The following RORA variants were observed in gnomAD, a reference collection of about 807,000 sequenced individuals.
The protein encoded by RORA is RAR related orphan receptor A.
A neutral mutation model predicts 69.5 loss-of-function variants in RORA; 7 were observed. The ratio of observed to expected loss-of-function variants is 0.10; its 90% CI spans 0.06 to 0.19. The LOEUF (loss-of-function observed/expected upper bound fraction) is 0.19. RORA is among the 10% of genes least tolerant of loss of function. RORA has a pLI of 1.00. For synonymous variants in RORA, 261 were observed against 240.8 expected (o/e 1.08, Z -0.78); for missense variants, 457 against 663.0 (o/e 0.69, Z 3.41).
chr15:60,762,110 G>T (rs1345302898), intron 1 of RORA, among the ~76,000 whole-genome samples: 1 of 152,158 alleles, frequency 6.6e-6, no homozygotes, highest in African/African-American at 2.4e-5. Context: ...GTTTCTAGCA[G>T]AAAAAGAAGC....
chr15:60,924,546 T>G (rs1451276693), intron 1 of RORA, among the ~76,000 whole-genome samples: 1 of 152,040 alleles, frequency 6.6e-6, no homozygotes, highest in East Asian at 1.9e-4. Context: ...TGTAATTCTA[T>G]TGTATCTGTA....
chr15:60,701,599 A>G (rs1296208890), intron 1 of RORA, among the ~76,000 whole-genome samples: 1 of 152,154 alleles, frequency 6.6e-6, no homozygotes, highest in Non-Finnish European at 1.5e-5. Flanking sequence ...TCCATCACCT[A>G]CCACATGCAG....
chr15:60,550,146 C>A (rs1013414090), intron 2 of RORA, among the ~76,000 whole-genome samples: 2 of 152,158 alleles, frequency 1.3e-5, no homozygotes, highest in African/African-American at 2.4e-5. Context: ...CAAAAATTAG[C>A]CAGGTGTGAT....
intron 3 of RORA, among the ~76,000 whole-genome samples, chr15:60,522,132 CTG>C (rs1391559457): frequency 6.6e-6 from 1 of 152,170 alleles, no homozygotes; most frequent in African/African-American, 2.4e-5. Flanking sequence ...GTTATTAAAT[CTG>C]TTATTACACA....
chr15:60,512,360 A>G (rs1173200327), intron 4 of RORA, among the ~76,000 whole-genome samples: 1 of 152,156 alleles, frequency 6.6e-6, no homozygotes, highest in Non-Finnish European at 1.5e-5. Context: ...AACATGGCTC[A>G]CTGCAGCCTC....
chr15:61,055,490 G>A (rs570731100), intron 1 of RORA, among the ~76,000 whole-genome samples: 13 of 152,200 alleles, frequency 8.5e-5, no homozygotes, highest in South Asian at 2.1e-4. Flanking sequence ...CTTCTCTACC[G>A]TCTCTCCCGC....
chr15:60,510,873 A>ATTT (rs113383793), intron 5 of RORA, among the ~76,000 whole-genome samples: 6,316 of 147,956 alleles, frequency 0.043, 455 homozygotes, highest in African/African-American at 0.15. Context: ...GTGGACTGCC[A>ATTT]TTTTTTTTTT....
At chr15:61,165,308 C>T (rs1294192706) in intron 1 of RORA, among the ~76,000 whole-genome samples, 3 of 152,178 alleles carry the variant, frequency 2.0e-5, no homozygotes, top group Admixed American at 6.5e-5. Flanking sequence ...TTACTTCTTG[C>T]AGGAATCATA....
At chr15:61,115,019 G>C (rs2079037883) in intron 1 of RORA, among the ~76,000 whole-genome samples, 1 of 152,202 alleles carries the variant, frequency 6.6e-6, no homozygotes, top group Non-Finnish European at 1.5e-5. Flanking sequence ...ACATTTATGT[G>C]AAAGATAGAG....
Position 61,216,445 on chromosome 15 carries a change from T to C in RORA, c.166+12608A>G, listed in dbSNP as rs2080041094. ...GCAGTGGGTCACCATAGTGGAGCAT[T>C]AATGTACAGCAAGTTGAATGGAACC... On this transcript the variant is annotated intron_variant, in intron 1 of 10. Coordinates refer to ENST00000335670, the MANE Select transcript of RORA (RefSeq NM_134261.3). Among the ~76,000 whole-genome samples, 3 of 152,200 alleles carry C rather than the reference T, an allele frequency of 2.0e-5. No homozygotes were observed. The South Asian group carries it at 6.2e-4, about 32-fold the overall frequency.
In RORA at chr15:61,131,091, G is replaced by A. The variant is rs942262506; in HGVS notation, c.166+97962C>T. On this transcript the variant is annotated intron_variant, in intron 1 of 10. Coordinates refer to ENST00000335670, the MANE Select transcript of RORA (RefSeq NM_134261.3). This position sits in a 1 kb window ranked among gnomAD's most constrained non-coding sequence, Gnocchi z 4.2. ...TCAGCCCTCTGTAATATCCAGTGAG[G>A]CAAAACCCAAGTCACTCAAGAGTGG... Among the ~76,000 whole-genome samples, 1 of 152,146 alleles carries A rather than the reference G, an allele frequency of 6.6e-6. No individual in the cohort carries two copies. The highest frequency in any genetic ancestry group is 2.4e-5 in the African/African-American group (1 of 41,426).
intron 1 of RORA, among the ~76,000 whole-genome samples, chr15:60,823,902 C>T (rs537897045): frequency 6.6e-6 from 1 of 152,156 alleles, no homozygotes; most frequent in South Asian, 2.1e-4. Context: ...TTATTAAATA[C>T]ATCTTGGGGG....
At chr15:61,092,972 T>C (rs2078730251) in intron 1 of RORA, among the ~76,000 whole-genome samples, 1 of 152,130 alleles carries the variant, frequency 6.6e-6, no homozygotes, top group African/African-American at 2.4e-5. Context: ...AAATAAAGTA[T>C]GACATTGCAC....
At chr15:60,960,291 C>T (rs1160545522) in intron 1 of RORA, among the ~76,000 whole-genome samples, 2 of 152,206 alleles carry the variant, frequency 1.3e-5, no homozygotes, top group Non-Finnish European at 2.9e-5. Context: ...ATGGTGCTCT[C>T]ATGCAATTCC....
chr15:61,142,071 T>C (rs2079304935), intron 1 of RORA, among the ~76,000 whole-genome samples: 1 of 152,202 alleles, frequency 6.6e-6, no homozygotes, highest in South Asian at 2.1e-4. Flanking sequence ...TTTCACATTT[T>C]GTCAGAGGAT....
At chr15:60,674,981 A>G (rs922188818) in intron 2 of RORA, among the ~76,000 whole-genome samples, 5 of 152,080 alleles carry the variant, frequency 3.3e-5, no homozygotes, top group Non-Finnish European at 7.4e-5. Flanking sequence ...GGCCTACCAG[A>G]TATCTTTTGG....
intron 3 of RORA, among the ~76,000 whole-genome samples, chr15:60,519,467 T>TA (rs370942506): frequency 6.7e-4 from 102 of 152,336 alleles, no homozygotes; most frequent in African/African-American, 1.6e-3. Context: ...CTCCAGAACT[T>TA]ACACTGTCAT....
intron 1 of RORA, among the ~76,000 whole-genome samples, chr15:61,197,663 G>A (rs998411621): frequency 2.0e-5 from 3 of 152,184 alleles, no homozygotes; most frequent in African/African-American, 7.2e-5. Context: ...CCGTCAAGAT[G>A]TCAAAAAATA....
At chr15:60,960,826 C>T (rs1893397300) in intron 1 of RORA, among the ~76,000 whole-genome samples, 1 of 152,076 alleles carries the variant, frequency 6.6e-6, no homozygotes, top group African/African-American at 2.4e-5. Context: ...ACCATCATTC[C>T]TCCTTTTTAG....
Sources: gnomAD v4.1 joint callset for allele counts (sites outside exome capture counted in the v4.1 genomes callset) on GRCh38, gnomAD v4.1.1 for gene constraint, Gnocchi (gnomAD v3.1) non-coding constraint, MANE v1.5 for transcripts, NCBI Gene and HGNC (gene_info 2026-07-23, HGNC 2026-07-21) for gene names.